The following IHH variants were observed in gnomAD, a reference collection of about 807,000 sequenced individuals.
The protein encoded by IHH is Indian hedgehog signaling molecule.
IHH carries 9 observed loss-of-function variants against 29.4 expected under a neutral mutation model. The ratio of observed to expected loss-of-function variants is 0.31; its 90% CI spans 0.18 to 0.53. The LOEUF is 0.53. Among genes scored for constraint, IHH ranks in the 20% least tolerant of loss-of-function variants. IHH has a pLI of 0.95. For synonymous variants in IHH, 254 were observed against 252.7 expected, an observed-to-expected ratio of 1.01 and a Z score of -0.05; for missense variants, 454 against 578.1, an observed-to-expected ratio of 0.79 and a Z score of 2.20.
intron 1 of IHH, among the ~76,000 whole-genome samples, chr2:219,058,906 C>T (rs1161955728): frequency 2.6e-5 from 4 of 152,206 alleles, no homozygotes; most frequent in Admixed American, 2.6e-4. Flanking sequence ...CTCGCTGGTG[C>T]ACAGCCTGGC....
Position 219,057,535 on chromosome 2 carries a change from C to T in IHH, c.475G>A (p.Asp159Asn). The T allele has an allele frequency of 6.2e-7, 1 of 1,614,050 alleles. No individual in the cohort carries two copies. The highest frequency in any genetic ancestry group is 8.5e-7 in the Non-Finnish European group (1 of 1,180,018). ...GCCAGCAGTCCATACTTATTGCGGT[C>T]GCGGTCTGATGTGGTGATGTCCACC... ...RAVDITTSDR[D>N]RNKYGLLARL... is the part of the protein sequence containing the mutation. The change falls in exon 2 of 3, where the codon GAC becomes AAC. Residue 159 changes from aspartate to asparagine, a missense_variant. Transcript: ENST00000295731.
chr2:219,060,228 C>T lies in IHH; in HGVS notation c.240G>A (p.Glu80=), dbSNP rs1381706443. The T allele has an allele frequency of 5.0e-6, 8 of 1,613,564 alleles. No homozygotes were observed. The highest frequency in any genetic ancestry group is 1.7e-5 in the Admixed American group (1 of 60,004). ...KIARSSERFK[E]LTPNYNPDII... is the part of the protein sequence containing the mutation. The stretch of plus-strand genomic sequence containing the variant: ...TGTCTGGATTGTAATTGGGGGTGAG[C>T]TCCTTGAAGCGCTCGGAGCTGCGAG... Residue 80 remains glutamate (E), a synonymous_variant, in exon 1 of 3, where the codon GAG becomes GAA. Transcript: ENST00000295731. The surrounding 1 kb of genome is among the most constrained non-coding windows in gnomAD (Gnocchi z 8.8).
Position 219,060,232 on chromosome 2 carries a change from T to C in IHH, c.236A>G (p.Lys79Arg), listed in dbSNP as rs1210814208. ...TGGATTGTAATTGGGGGTGAGCTCCTTGAAGCGCTCGGAGCTGCGAGCGAT... is the reference window on the plus strand; with the variant it reads ...TGGATTGTAATTGGGGGTGAGCTCCCTGAAGCGCTCGGAGCTGCGAGCGAT... ...GKIARSSERF[K>R]ELTPNYNPDI... Residue 79 changes from lysine (K) to arginine (R), a missense_variant, in exon 1 of 3, where the codon AAG becomes AGG. Around this residue, in one of 3 missense-constraint regions of IHH, gnomAD observed 113 missense variants for 122.1 expected, o/e 0.93. Transcript: ENST00000295731. This position sits in a 1 kb window ranked among gnomAD's most constrained non-coding sequence, Gnocchi z 8.8. 1 of 1,613,688 alleles carries C rather than the reference T, an allele frequency of 6.2e-7. No individual in the cohort carries two copies. Among genetic ancestry groups the C allele is most frequent in the Non-Finnish European group, 8.5e-7 (1 of 1,179,868 alleles).
Position 219,055,072 on chromosome 2 carries a change from G to T in IHH, c.*135C>A. On this transcript the variant is annotated 3_prime_UTR_variant, in exon 3 of 3. Coordinates refer to ENST00000295731, the MANE Select transcript of IHH (RefSeq NM_002181.4). ...GGTGTTGCCCAGTCAAGTCTCAATG[G>T]TGTATCTTCATGGCAGAGGAGATGG... 1.1e-6 allele frequency: 1 copy of T among 919,192 alleles called. No individual in the cohort carries two copies. Among genetic ancestry groups the T allele is most frequent in the Non-Finnish European group, 1.7e-6 (1 of 600,456 alleles). The allele number at this position is 919,192 out of a possible 1,614,324, so 56.9% of individuals were successfully genotyped here. A position where few individuals can be genotyped will look rare whatever the true frequency, so the allele number is the denominator to read the frequency against.
At position 219,060,643 on chromosome 2, in the gene IHH, G is replaced by T. The variant is rs1948873803; in HGVS notation, c.-176C>A. Among the ~76,000 whole-genome samples, 1 of 151,290 alleles carries T rather than the reference G, an allele frequency of 6.6e-6. No homozygotes were observed. The highest frequency in any genetic ancestry group is 1.5e-5 in the Non-Finnish European group (1 of 67,690). Reference sequence around the variant, plus strand: ...CGGCGGGACTCAAGTGCGGGGCGGGGGCCCAGGGCCCGAGCTGGTGGCGGC... The same window carrying T: ...CGGCGGGACTCAAGTGCGGGGCGGGTGCCCAGGGCCCGAGCTGGTGGCGGC... On this transcript the variant is annotated 5_prime_UTR_variant, in exon 1 of 3. Transcript: ENST00000295731. The surrounding 1 kb of genome is among the most constrained non-coding windows in gnomAD (Gnocchi z 8.8).
chr2:219,056,855 A>G (rs1421491060), intron 2 of IHH, among the ~76,000 whole-genome samples: 22 of 152,216 alleles, frequency 1.4e-4, no homozygotes, highest in Non-Finnish European at 1.3e-4. Flanking sequence ...AATGCGGCCA[A>G]TCTGGGAAAA....
In IHH at chr2:219,057,305, C is replaced by T. The variant is rs1574687287; in HGVS notation, c.577+128G>A. On this transcript the variant is annotated intron_variant, in intron 2 of 2. Transcript: ENST00000295731. ...GGTCAGGAGCAGCCTTGGAGAGCGC[C>T]GCTGATGTCCTCTTCCCCCGGATCC... is the stretch of plus-strand genomic sequence containing the variant. The T allele has an allele frequency of 3.6e-6, 4 of 1,100,302 alleles. No homozygotes were observed. In the East Asian group the frequency reaches 7.7e-5, roughly 21 times the overall value. The allele number at this position is 1,100,302 out of a possible 1,614,324, so 68.2% of individuals were successfully genotyped here. A position where few individuals can be genotyped will look rare whatever the true frequency, so the allele number is the denominator to read the frequency against.
chr2:219,055,854 C>A lies in IHH; in HGVS notation c.589G>T (p.Ala197Ser), dbSNP rs746768477. Residue 197 changes from alanine to serine, a missense_variant, in exon 3 of 3, where the codon GCA becomes TCA. Ala to Ser is a moderately conservative substitution (Grantham distance 99, BLOSUM62 1). Around this residue, in one of 3 missense-constraint regions of IHH, gnomAD observed 271 missense variants for 315.9 expected, o/e 0.86. Transcript: ENST00000295731. Reference sequence around the variant, plus strand: ...GGGAAGCAGCCGCCCGTCTTGGCTGCGGCCGAGTGCTCTGTGGGAGAAAGG... The same window carrying A: ...GGGAAGCAGCCGCCCGTCTTGGCTGAGGCCGAGTGCTCTGTGGGAGAAAGG... The part of the protein sequence containing the change: ...HCSVKSEHSA[A>S]AKTGGCFPAG... The A allele has an allele frequency of 6.2e-7, 1 of 1,607,570 alleles. No homozygotes were observed. Among genetic ancestry groups the A allele is most frequent in the Non-Finnish European group, 8.5e-7 (1 of 1,179,770 alleles).
chr2:219,059,672 C>A lies in IHH; in HGVS notation c.315+481G>T, dbSNP rs995753915. Among the ~76,000 whole-genome samples the A allele has an allele frequency of 6.6e-6, 1 of 152,114 alleles. No homozygotes were observed. Among genetic ancestry groups the A allele is most frequent in the Admixed American group, 6.5e-5 (1 of 15,268 alleles). The stretch of plus-strand genomic sequence containing the variant: ...GACGCTGCTCCTGGAAGGGGCAGCC[C>A]GTAGAACCAAGAGCGCACAGGGAGG... On this transcript the variant is annotated intron_variant, in intron 1 of 2. Coordinates refer to ENST00000295731, the MANE Select transcript of IHH (RefSeq NM_002181.4). This position sits in a 1 kb window ranked among gnomAD's most constrained non-coding sequence, Gnocchi z 4.7.
rs915920248 is a variant in IHH, at chr2:219,059,405, G to C, written c.315+748C>G. Reference sequence around the variant, plus strand: ...GCATGCAGAGACTAGCGTCAGCCCTGGTCCCTGCCTCCCTCGGCATCTCAG... The same window carrying C: ...GCATGCAGAGACTAGCGTCAGCCCTCGTCCCTGCCTCCCTCGGCATCTCAG... On this transcript the variant is annotated intron_variant, in intron 1 of 2. Transcript: ENST00000295731. The surrounding 1 kb of genome is among the most constrained non-coding windows in gnomAD (Gnocchi z 4.7). Among the ~76,000 whole-genome samples the C allele has an allele frequency of 6.6e-6, 1 of 152,114 alleles. No homozygotes were observed. Among genetic ancestry groups the C allele is most frequent in the Non-Finnish European group, 1.5e-5 (1 of 68,008 alleles).
At position 219,054,904 on chromosome 2, in the gene IHH, A is replaced by C; in HGVS notation, c.*303T>G. The C allele has an allele frequency of 7.3e-6, 3 of 413,628 alleles. No homozygotes were observed. Among genetic ancestry groups the C allele is most frequent in the Non-Finnish European group, 1.3e-5 (3 of 225,732 alleles). 25.6% of individuals were successfully genotyped at this position (413,628 alleles called of 1,614,324 possible). On this transcript the variant is annotated 3_prime_UTR_variant, in exon 3 of 3. Transcript: ENST00000295731. The stretch of plus-strand genomic sequence containing the variant: ...CCCTCCCCAATGGGGGAGGCAGAGT[A>C]TGAAAACTCGTAGTGAGAGCAGGCT...
intron 2 of IHH, among the ~76,000 whole-genome samples, chr2:219,056,369 CA>C (rs991738192): frequency 6.6e-6 from 1 of 152,082 alleles, no homozygotes; most frequent in Non-Finnish European, 1.5e-5. Flanking sequence ...ATGTTTGGGT[CA>C]GGGGCAGGCC....
chr2:219,056,594 G>GGGTGT (rs1277627286), intron 2 of IHH, among the ~76,000 whole-genome samples: 3 of 152,210 alleles, frequency 2.0e-5, no homozygotes, highest in Admixed American at 2.0e-4. Flanking sequence ...GGAAGGTTCA[G>GGGTGT]GGTGTGGTTG....
At chr2:219,058,912 C>T (rs2106309543) in intron 1 of IHH, among the ~76,000 whole-genome samples, 1 of 152,324 alleles carries the variant, frequency 6.6e-6, no homozygotes, top group South Asian at 2.1e-4. Context: ...GGTGCACAGC[C>T]TGGCTGGGGG....
In IHH at chr2:219,059,511, A is replaced by G. The variant is rs924456770; in HGVS notation, c.315+642T>C. 1.1e-4 allele frequency among the ~76,000 whole-genome samples: 17 copies of G among 152,072 alleles called. No homozygotes were observed. Among genetic ancestry groups the G allele is most frequent in the Non-Finnish European group, 2.4e-4 (16 of 67,992 alleles). ...TCAGTCCCAGAGCCCGAAGGCCCCA[A>G]TAACCCACCCTTCCACCGCAGTAGC... is the stretch of plus-strand genomic sequence containing the variant. On this transcript the variant is annotated intron_variant, in intron 1 of 2. Coordinates refer to ENST00000295731, the MANE Select transcript of IHH (RefSeq NM_002181.4). The surrounding 1 kb of genome is among the most constrained non-coding windows in gnomAD (Gnocchi z 4.7).
At position 219,057,399 on chromosome 2, in the gene IHH, C is replaced by T. The variant is rs985324209; in HGVS notation, c.577+34G>A. ...TCCTCCTGCCCATGCCCTGCGGCCCCGGCCCCGGGCCCAGCCCCCCGGCGG... is the reference window on the plus strand; with the variant it reads ...TCCTCCTGCCCATGCCCTGCGGCCCTGGCCCCGGGCCCAGCCCCCCGGCGG... On this transcript the variant is annotated intron_variant, in intron 2 of 2. Transcript: ENST00000295731. 39 of 1,551,544 alleles carry T rather than the reference C, an allele frequency of 2.5e-5. No homozygotes were observed. The African/African-American group carries it at 2.6e-4, about 10-fold the overall frequency.
In IHH at chr2:219,059,642, G is replaced by T. The variant is rs781152976; in HGVS notation, c.315+511C>A. On this transcript the variant is annotated intron_variant, in intron 1 of 2. Transcript: ENST00000295731. This position sits in a 1 kb window ranked among gnomAD's most constrained non-coding sequence, Gnocchi z 4.7. ...CTCGCTGTTCTTAACCCCAGACCCA[G>T]CCGGGACGCTGCTCCTGGAAGGGGC... Among the ~76,000 whole-genome samples the T allele has an allele frequency of 6.6e-6, 1 of 152,190 alleles. No homozygotes were observed. Among genetic ancestry groups the T allele is most frequent in the Non-Finnish European group, 1.5e-5 (1 of 68,040 alleles).
chr2:219,058,041 T>C (rs566388665), intron 1 of IHH, among the ~76,000 whole-genome samples: 213 of 152,322 alleles, frequency 1.4e-3, no homozygotes, highest in Non-Finnish European at 2.7e-3. Context: ...GGACTACACC[T>C]TTCAGCGCCC....
intron 1 of IHH, among the ~76,000 whole-genome samples, chr2:219,058,445 A>T (rs1442396421): frequency 6.6e-6 from 1 of 152,120 alleles, no homozygotes; most frequent in Non-Finnish European, 1.5e-5. Context: ...TTCCTCTGCA[A>T]GGCGCAAAAG....
Sources: gnomAD v4.1 joint callset for allele counts (sites outside exome capture counted in the v4.1 genomes callset) on GRCh38, gnomAD v4.1.1 for gene constraint, gnomAD v4.1.1 regional missense constraint, Gnocchi (gnomAD v3.1) non-coding constraint, MANE v1.5 for transcripts, NCBI Gene and HGNC (gene_info 2026-07-23, HGNC 2026-07-21) for gene names.